Variants in TAOK1 observed in about 807,000 individuals in gnomAD.
The protein encoded by TAOK1 is TAO kinase 1, also known as serine/threonine-protein kinase TAO1.
TAOK1 carries 21 observed loss-of-function variants against 138.3 expected under a neutral mutation model. The ratio of observed to expected loss-of-function variants is 0.15; its 90% CI spans 0.11 to 0.22. The LOEUF (loss-of-function observed/expected upper bound fraction) is 0.22. Ranked by LOEUF, TAOK1 falls within the 10% of genes least tolerant of loss-of-function variation. The pLI is 1.00. For synonymous variants in TAOK1, 361 were observed against 398.4 expected (o/e 0.91, Z 1.12); for missense variants, 651 against 1,227.7 (o/e 0.53, Z 7.02).
At chr17:29,425,982 G>A (rs1905626083) in intron 1 of TAOK1, among the ~76,000 whole-genome samples, 1 of 152,148 alleles carries the variant, frequency 6.6e-6, no homozygotes, top group African/African-American at 2.4e-5. Context: ...CTGGGTTCAC[G>A]CCATTCTCCT....
At chr17:29,515,806 A>G (rs2031803548) in intron 15 of TAOK1, among the ~76,000 whole-genome samples, 1 of 151,678 alleles carries the variant, frequency 6.6e-6, no homozygotes, top group African/African-American at 2.4e-5. Flanking sequence ...ACTGCACTCC[A>G]GCCTGGGCGA....
At position 29,415,088 on chromosome 17, in the gene TAOK1, G is replaced by T. The variant is rs1205214881; in HGVS notation, c.-95+24064G>T. ...AGGTTCAAGCGATTCTCCTGCCTCA[G>T]CCTCCCAAATAGCTGGGATTACAGG... On this transcript the variant is annotated intron_variant, in intron 1 of 19. Transcript: ENST00000261716. 1.1e-4 allele frequency among the ~76,000 whole-genome samples: 17 copies of T among 152,156 alleles called. No homozygotes were observed. The South Asian group carries it at 2.1e-3, about 19-fold the overall frequency.
rs757614541 is a variant in TAOK1 at position 29,495,576 on chromosome 17, G to A, written c.848G>A (p.Arg283Gln). ...EELLKHIFVL[R>Q]ERPETVLIDL... Reference sequence around the variant, plus strand: ...CCTATCTAGCACATATTTGTTCTTCGGGAGCGCCCTGAAACCGTGTTAATA... The same window carrying A: ...CCTATCTAGCACATATTTGTTCTTCAGGAGCGCCCTGAAACCGTGTTAATA... The change falls in exon 11 of 20, where the codon CGG (arginine) becomes CAG (glutamine). Residue 283 changes from arginine (R) to glutamine (Q), a missense_variant. This residue lies in a region of TAOK1 where 39 missense variants were observed against 52.5 expected (regional missense o/e 0.74). Coordinates refer to ENST00000261716, the MANE Select transcript of TAOK1 (RefSeq NM_020791.4). The A allele has an allele frequency of 3.8e-6, 6 of 1,595,688 alleles. No individual in the cohort carries two copies. The highest frequency in any genetic ancestry group is 2.3e-5 in the South Asian group (2 of 87,724).
At chr17:29,503,808 C>G (rs2031576321) in intron 13 of TAOK1, among the ~76,000 whole-genome samples, 1 of 151,976 alleles carries the variant, frequency 6.6e-6, no homozygotes, top group African/African-American at 2.4e-5. Context: ...AACTCCATCT[C>G]TACAAAAAAT....
intron 16 of TAOK1, among the ~76,000 whole-genome samples, chr17:29,520,229 A>C (rs2031890693): frequency 1.3e-5 from 2 of 152,004 alleles, no homozygotes; most frequent in Admixed American, 1.3e-4. Flanking sequence ...TAAATGTCCA[A>C]CCACAGAGGA....
chr17:29,541,057 A>G (rs2032306446), intron 19 of TAOK1, among the ~76,000 whole-genome samples: 2 of 150,792 alleles, frequency 1.3e-5, no homozygotes, highest in Non-Finnish European at 3.0e-5. Context: ...AACCCATTCT[A>G]TTGCAATTTT....
intron 19 of TAOK1, among the ~76,000 whole-genome samples, chr17:29,536,070 G>A (rs918425878): frequency 2.1e-5 from 3 of 145,890 alleles, no homozygotes; most frequent in Non-Finnish European, 3.0e-5. Flanking sequence ...AGGGTTGGGG[G>A]AGCAGATCGC....
chr17:29,426,042 A>G (rs981241329), intron 1 of TAOK1, among the ~76,000 whole-genome samples: 3 of 151,980 alleles, frequency 2.0e-5, no homozygotes, highest in African/African-American at 7.2e-5. Context: ...CACCACGCCC[A>G]GCTAATTTTT....
chr17:29,480,364 C>G lies in TAOK1; in HGVS notation c.450-4C>G, dbSNP rs1438048937. On this transcript the variant is annotated splice_polypyrimidine_tract_variant and splice_region_variant and intron_variant, in intron 6 of 19. Transcript: ENST00000261716. ...AAGTAATTTTCTGTATTCCCTAAAC[C>G]TAGAGATATCAAAGCAGGAAATATC... The G allele has an allele frequency of 1.9e-6, 3 of 1,607,916 alleles. No homozygotes were observed. In the East Asian group the frequency reaches 6.7e-5, roughly 36 times the overall value.
chr17:29,432,154 GTTTTACCCA>G (rs1006734328), intron 1 of TAOK1, among the ~76,000 whole-genome samples: 5 of 152,262 alleles, frequency 3.3e-5, no homozygotes, highest in African/African-American at 1.2e-4. Context: ...CTCAAACAGA[GTTTTACCCA>G]CATATTTATT....
At chr17:29,399,248 A>C (rs1904762478) in intron 1 of TAOK1, among the ~76,000 whole-genome samples, 1 of 152,134 alleles carries the variant, frequency 6.6e-6, no homozygotes, top group African/African-American at 2.4e-5. Flanking sequence ...AGCCTCCCAA[A>C]GTGCTGGGGA....
chr17:29,530,454 C>T lies in TAOK1; in HGVS notation c.2196C>T (p.Ile732=), dbSNP rs978854156. 6.2e-7 allele frequency: 1 copy of T among 1,614,062 alleles called. No homozygotes were observed. Among genetic ancestry groups the T allele is most frequent in the Non-Finnish European group, 8.5e-7 (1 of 1,180,010 alleles). The change falls in exon 18 of 20, where the codon ATC becomes ATT. Residue 732 remains isoleucine, a synonymous_variant. Coordinates refer to ENST00000261716, the MANE Select transcript of TAOK1 (RefSeq NM_020791.4). Reference sequence around the variant, plus strand: ...AGCAGTTTCAGGATACCTGCAAAATCCAAACCAGACAGTACAAAGCATTAA... The same window carrying T: ...AGCAGTTTCAGGATACCTGCAAAATTCAAACCAGACAGTACAAAGCATTAA... ...IKKQFQDTCK[I]QTRQYKALRN...
intron 1 of TAOK1, among the ~76,000 whole-genome samples, chr17:29,395,815 G>A (rs921977299): frequency 2.2e-5 from 3 of 137,414 alleles, no homozygotes; most frequent in East Asian, 2.1e-4. Flanking sequence ...ATGCCACCAC[G>A]TCTGGCTAAT....
intron 1 of TAOK1, among the ~76,000 whole-genome samples, chr17:29,442,637 G>A (rs552937994): frequency 7.1e-4 from 108 of 152,210 alleles, no homozygotes; most frequent in African/African-American, 2.5e-3. Context: ...CCATTAAATA[G>A]GATAGTATGG....
At position 29,397,653 on chromosome 17, in the gene TAOK1, T is replaced by C. The variant is rs117917880; in HGVS notation, c.-95+6629T>C. The stretch of plus-strand genomic sequence containing the variant: ...ATACATGTATACATGTATATATGTA[T>C]ATTCATGTATGATACATGTATACAT... On this transcript the variant is annotated intron_variant, in intron 1 of 19. Transcript: ENST00000261716. 7.8e-3 allele frequency among the ~76,000 whole-genome samples: 1,013 copies of C among 130,476 alleles called. 10 individuals are homozygous for C. Among genetic ancestry groups the C allele is most frequent in the South Asian group, 0.013 (49 of 3,700 alleles). The allele number at this position is 130,476 out of a possible 152,430, so 85.6% of individuals were successfully genotyped here.
intron 1 of TAOK1, among the ~76,000 whole-genome samples, chr17:29,404,713 C>T (rs1422635782): frequency 6.6e-6 from 1 of 151,968 alleles, no homozygotes; most frequent in African/African-American, 2.4e-5. Flanking sequence ...TTGCTGGAAC[C>T]TAGGAGGATG....
intron 11 of TAOK1, among the ~76,000 whole-genome samples, chr17:29,496,259 C>G (rs1030712107): frequency 6.6e-6 from 1 of 151,872 alleles, no homozygotes; most frequent in Non-Finnish European, 1.5e-5. Flanking sequence ...CACCACCACA[C>G]CTGACTAATT....
intron 17 of TAOK1, among the ~76,000 whole-genome samples, chr17:29,528,324 A>G (rs1384364404): frequency 6.6e-6 from 1 of 152,192 alleles, no homozygotes; most frequent in Non-Finnish European, 1.5e-5. Flanking sequence ...CTGGGATTGC[A>G]GGCGTGAGCC....
intron 13 of TAOK1, among the ~76,000 whole-genome samples, chr17:29,507,563 G>A (rs2031650302): frequency 6.6e-6 from 1 of 151,976 alleles, no homozygotes; most frequent in African/African-American, 2.4e-5. Context: ...GAACATATGT[G>A]GATCTCTTTC....
Sources: allele counts gnomAD v4.1 joint callset (sites outside exome capture counted in the v4.1 genomes callset), GRCh38; gene constraint gnomAD v4.1.1; regional missense constraint gnomAD v4.1.1; transcripts MANE v1.5; gene names NCBI Gene and HGNC (gene_info 2026-07-23, HGNC 2026-07-21).